Variants in ATRNL1 observed in about 807,000 individuals in gnomAD.
ATRNL1 encodes attractin like 1, also known as attractin-like protein 1.
ATRNL1 carries 95 observed loss-of-function variants against 182.7 expected under a neutral mutation model. The ratio of observed to expected loss-of-function variants is 0.52; its 90% confidence interval spans 0.44 to 0.62. ATRNL1 has a LOEUF of 0.62. ATRNL1 is among the 20% of genes least tolerant of loss of function. The pLI is 0.00. For synonymous variants in ATRNL1, 576 were observed against 568.3 expected (o/e 1.01, Z -0.19); for missense variants, 1,471 against 1,679.5 (o/e 0.88, Z 2.17).
intron 24 of ATRNL1, among the ~76,000 whole-genome samples, chr10:115,470,972 A>C (rs1848283131): frequency 6.6e-6 from 1 of 150,742 alleles, no homozygotes; most frequent in South Asian, 2.1e-4. Context: ...AAATACTGGC[A>C]GCCATCATTG....
At chr10:115,189,162 G>A (rs1164945974) in intron 8 of ATRNL1, among the ~76,000 whole-genome samples, 5 of 151,948 alleles carry the variant, frequency 3.3e-5, no homozygotes, top group Non-Finnish European at 7.4e-5. Context: ...GCAATGCATT[G>A]CTCATGTGTT....
intron 22 of ATRNL1, among the ~76,000 whole-genome samples, chr10:115,464,271 G>T (rs1214203000): frequency 6.6e-6 from 1 of 151,764 alleles, no homozygotes; most frequent in Non-Finnish European, 1.5e-5. Flanking sequence ...TATTGGCCAA[G>T]GCTTCTTATT....
chr10:115,331,243 G>A (rs1592464983), intron 18 of ATRNL1, among the ~76,000 whole-genome samples: 2 of 152,064 alleles, frequency 1.3e-5, no homozygotes, highest in African/African-American at 2.4e-5. Flanking sequence ...TGTATTTTTA[G>A]TAGAGATGGG....
At chr10:115,478,134 C>T (rs1451631008) in intron 24 of ATRNL1, among the ~76,000 whole-genome samples, 3 of 151,674 alleles carry the variant, frequency 2.0e-5, no homozygotes, top group Admixed American at 6.6e-5. Flanking sequence ...ATAATATTGC[C>T]TACCTTTATT....
At chr10:115,530,734 C>T (rs571557497) in intron 25 of ATRNL1, among the ~76,000 whole-genome samples, 3 of 150,244 alleles carry the variant, frequency 2.0e-5, no homozygotes, top group African/African-American at 7.4e-5. Flanking sequence ...CCCATTAACT[C>T]GTCATTTAGC....
At chr10:115,371,620 C>G (rs1857399017) in intron 19 of ATRNL1, among the ~76,000 whole-genome samples, 1 of 152,186 alleles carries the variant, frequency 6.6e-6, no homozygotes, top group Non-Finnish European at 1.5e-5. Context: ...TACCGAATGC[C>G]TGTACCCCCA....
chr10:115,904,862 A>C (rs1008228861), intron 28 of ATRNL1, among the ~76,000 whole-genome samples: 2 of 152,220 alleles, frequency 1.3e-5, no homozygotes, highest in Non-Finnish European at 2.9e-5. Flanking sequence ...GCTAAATTTT[A>C]AAAATATATA....
chr10:115,509,740 A>G (rs371986479), intron 24 of ATRNL1, among the ~76,000 whole-genome samples: 4 of 152,026 alleles, frequency 2.6e-5, no homozygotes, highest in African/African-American at 7.2e-5. Context: ...TCTAAGTACA[A>G]TAACCATTTG....
chr10:115,558,871 C>A (rs912891789), intron 26 of ATRNL1, among the ~76,000 whole-genome samples: 3 of 152,186 alleles, frequency 2.0e-5, no homozygotes, highest in East Asian at 3.9e-4. Flanking sequence ...CTTCCTACCC[C>A]CTTCTAGCTC....
intron 9 of ATRNL1, among the ~76,000 whole-genome samples, chr10:115,219,612 C>T (rs1455356100): frequency 6.6e-6 from 1 of 152,164 alleles, no homozygotes; most frequent in Non-Finnish European, 1.5e-5. Flanking sequence ...AACAAAAGTT[C>T]ACATAATAGT....
intron 9 of ATRNL1, among the ~76,000 whole-genome samples, chr10:115,240,815 C>T (rs1489633586): frequency 6.6e-6 from 1 of 151,902 alleles, no homozygotes; most frequent in Non-Finnish European, 1.5e-5. Flanking sequence ...CAGAATTATA[C>T]TTTAATTAAA....
At chr10:115,518,884 T>TAC (rs782613527) in intron 24 of ATRNL1, among the ~76,000 whole-genome samples, 52 of 151,802 alleles carry the variant, frequency 3.4e-4, no homozygotes, top group Non-Finnish European at 6.9e-4. Flanking sequence ...TTTGTATATA[T>TAC]ATATGAAGCT....
At chr10:115,334,989 G>A (rs1855414258) in intron 19 of ATRNL1, among the ~76,000 whole-genome samples, 2 of 152,030 alleles carry the variant, frequency 1.3e-5, no homozygotes, top group South Asian at 4.1e-4. Context: ...CTGAGTTGTT[G>A]TAAAGGTCAA....
At chr10:115,133,036 G>T (rs928937640) in intron 5 of ATRNL1, among the ~76,000 whole-genome samples, 8 of 152,140 alleles carry the variant, frequency 5.3e-5, no homozygotes, top group Admixed American at 2.0e-4. Flanking sequence ...TATTGCCTAG[G>T]TTTTCTTCTA....
intron 24 of ATRNL1, among the ~76,000 whole-genome samples, chr10:115,512,802 C>A (rs1344191909): frequency 1.3e-5 from 2 of 151,880 alleles, no homozygotes; most frequent in African/African-American, 4.8e-5. Context: ...AATTACTTTA[C>A]ATGAGTGTCT....
At chr10:115,467,008 T>C (rs1359889363) in intron 22 of ATRNL1, among the ~76,000 whole-genome samples, 166 bp from the exon 23 acceptor site, 1 of 151,120 alleles carries the variant, frequency 6.6e-6, no homozygotes, top group Non-Finnish European at 1.5e-5. Context: ...TTATTACACA[T>C]TTTCTTCATT....
chr10:115,927,734 G>T (rs1391561762), intron 28 of ATRNL1, among the ~76,000 whole-genome samples: 6 of 151,958 alleles, frequency 3.9e-5, no homozygotes, highest in Admixed American at 1.3e-4. Flanking sequence ...ATATTTTATT[G>T]ACTTGTCAAG....
chr10:115,364,904 C>T lies in ATRNL1; in HGVS notation c.3176-29755C>T, dbSNP rs1418297875. On this transcript the variant is annotated intron_variant, in intron 19 of 28. Transcript: ENST00000355044. Reference sequence around the variant, plus strand: ...CATGGTGGATAAGCTTTTTGATGTGCTGCTGGATTCAGTTTGCCAGTATTT... The same window carrying T: ...CATGGTGGATAAGCTTTTTGATGTGTTGCTGGATTCAGTTTGCCAGTATTT... Among the ~76,000 whole-genome samples, 9 of 151,300 alleles carry T rather than the reference C, an allele frequency of 5.9e-5. 1 individual carries two copies. The highest frequency in any genetic ancestry group is 2.2e-4 in the African/African-American group (9 of 40,900).
intron 26 of ATRNL1, among the ~76,000 whole-genome samples, chr10:115,565,724 A>G (rs1366714544): frequency 6.6e-6 from 1 of 152,138 alleles, no homozygotes; most frequent in Admixed American, 6.6e-5. Context: ...ACTATGTAAG[A>G]TTATAATTAA....
Sources: allele counts gnomAD v4.1 joint callset (sites outside exome capture counted in the v4.1 genomes callset), GRCh38; gene constraint gnomAD v4.1.1; transcripts MANE v1.5; gene names NCBI Gene and HGNC (gene_info 2026-07-23, HGNC 2026-07-21).